Variants in USP22 observed in about 807,000 individuals in gnomAD.
USP22 encodes ubiquitin carboxyl-terminal hydrolase 22.
USP22 carries 22 observed loss-of-function variants against 68.1 expected under a neutral mutation model. That is an observed-to-expected ratio of 0.32 (90% CI 0.23 to 0.46). USP22 has a LOEUF of 0.46. Ranked by LOEUF, USP22 falls within the 20% of genes least tolerant of loss-of-function variation. USP22 has a pLI of 1.00. For synonymous variants in USP22, 279 were observed against 274.2 expected (o/e 1.02, Z -0.17); for missense variants, 433 against 695.8 (o/e 0.62, Z 4.25).
chr17:21,006,934 G>A lies in USP22; in HGVS notation c.1284C>T (p.Phe428=). The change falls in exon 10 of 13, where the codon TTC becomes TTT. Residue 428 remains phenylalanine, a synonymous_variant. Transcript: ENST00000261497. ...LRRKITTYVS[F]PLELDMTPFM... ...AAGGGGTCATGTCCAGCTCCAGGGG[G>A]AAGGACACATACGTGGTGATCTTCC... The A allele has an allele frequency of 6.2e-7, 1 of 1,609,990 alleles. No homozygotes were observed. Among genetic ancestry groups the A allele is most frequent in the Non-Finnish European group, 8.5e-7 (1 of 1,177,946 alleles).
intron 7 of USP22, among the ~76,000 whole-genome samples, chr17:21,012,561 G>A (rs1179087502): frequency 6.6e-6 from 1 of 152,054 alleles, no homozygotes; most frequent in Non-Finnish European, 1.5e-5. Context: ...CAAAATGGTA[G>A]GGGAAGCTTC....
At chr17:21,032,101 T>C (rs1001885541) in intron 1 of USP22, among the ~76,000 whole-genome samples, 23 of 152,194 alleles carry the variant, frequency 1.5e-4, no homozygotes, top group African/African-American at 5.6e-4. Context: ...TGTTTAGCTA[T>C]AGAAACACAA....
rs754331771 is a variant in USP22, at chr17:21,006,876, G to T, written c.1322+20C>A. On this transcript the variant is annotated intron_variant, in intron 10 of 12. Coordinates refer to ENST00000261497, the MANE Select transcript of USP22 (RefSeq NM_015276.2). The stretch of plus-strand genomic sequence containing the variant: ...ATCACAGCCCCTCAGGACACAGAAC[G>T]GGCCTACAACCCCACATACCTGGAG... The T allele has an allele frequency of 1.3e-6, 2 of 1,575,114 alleles. No individual in the cohort carries two copies. The highest frequency in any genetic ancestry group is 1.7e-6 in the Non-Finnish European group (2 of 1,158,428).
At chr17:21,042,587 A>C (rs1597705043) in intron 1 of USP22, 78 bp downstream of exon 1, 1 of 1,245,006 alleles carries the variant, frequency 8.0e-7, no homozygotes, top group Non-Finnish European at 1.0e-6. Flanking sequence ...AGAGGGCAGG[A>C]AAAGGGCCCC....
chr17:21,027,496 C>G (rs1333714177), intron 2 of USP22, among the ~76,000 whole-genome samples: 1 of 151,812 alleles, frequency 6.6e-6, no homozygotes, highest in Non-Finnish European at 1.5e-5. Context: ...AACTTCAGGG[C>G]GGGAAAGCCT....
intron 2 of USP22, among the ~76,000 whole-genome samples, chr17:21,025,718 T>C (rs1349226556): frequency 6.6e-6 from 1 of 152,158 alleles, no homozygotes; most frequent in African/African-American, 2.4e-5. Context: ...CACAAATGCA[T>C]GCTTGCGGAA....
At chr17:21,024,642 A>G (rs981451014) in intron 2 of USP22, among the ~76,000 whole-genome samples, 1 of 152,224 alleles carries the variant, frequency 6.6e-6, no homozygotes, top group African/African-American at 2.4e-5. Flanking sequence ...GGATTCTTAG[A>G]TCTGACACAA....
chr17:21,036,531 G>GGGT (rs1555530967), intron 1 of USP22, among the ~76,000 whole-genome samples: 9 of 130,930 alleles, frequency 6.9e-5, no homozygotes, highest in African/African-American at 2.5e-4. Flanking sequence ...GGGGGGGGGG[G>GGGT]GTCAAGTCAT....
rs756775485 is a variant in USP22 at position 21,007,007 on chromosome 17, A to G, written c.1231-20T>C. 3.7e-5 allele frequency: 58 copies of G among 1,576,278 alleles called. 1 individual carries two copies. In the South Asian group the frequency reaches 6.3e-4, roughly 17 times the overall value. On this transcript the variant is annotated intron_variant, in intron 9 of 12. Transcript: ENST00000261497. ...AAATCGCTGCAGAAATAGGAAGGGG[A>G]CAGAGGGAAGAGGAAAGAAGATCAG...
At chr17:21,022,981 G>A (rs7216978) in intron 2 of USP22, among the ~76,000 whole-genome samples, 112,202 of 152,124 alleles carry the variant, frequency 0.74, 41,930 homozygotes, top group South Asian at 0.82. Flanking sequence ...ATATACCATG[G>A]GATACCATGT....
chr17:21,039,269 G>A (rs1972396926), intron 1 of USP22, among the ~76,000 whole-genome samples: 1 of 150,954 alleles, frequency 6.6e-6, no homozygotes, highest in African/African-American at 2.4e-5. Flanking sequence ...TTTATAGTCT[G>A]CAATACAAGA....
rs951499755 is a variant in USP22 at position 21,042,355 on chromosome 17, G to A, written c.171+310C>T. ...GGATAAGGGAGGGGGAGGGCGGAGA[G>A]AAAGGAGGGGGAGGGGACAGAGAGG... On this transcript the variant is annotated intron_variant, in intron 1 of 12. Coordinates refer to ENST00000261497, the MANE Select transcript of USP22 (RefSeq NM_015276.2). 1.7e-3 allele frequency: 325 copies of A among 188,552 alleles called. 3 individuals are homozygous for A. Among genetic ancestry groups the A allele is most frequent in the African/African-American group, 7.6e-3 (316 of 41,734 alleles). 11.7% of individuals were successfully genotyped at this position (188,552 alleles called of 1,614,324 possible). A position where few individuals can be genotyped will look rare whatever the true frequency, so the allele number is the denominator to read the frequency against.
chr17:20,999,697 T>TA lies in USP22; in HGVS notation c.*3333dup, dbSNP rs1032796383. On this transcript the variant is annotated 3_prime_UTR_variant, in exon 13 of 13. Coordinates refer to ENST00000261497, the MANE Select transcript of USP22 (RefSeq NM_015276.2). ...TCAAAATGGAAGGGGAAAGGAAGAG[T>TA]AAACATCTTGGTAAATAAAGTCTCC... The TA allele has an allele frequency of 2.6e-4, 40 of 151,216 alleles. No homozygotes were observed. The highest frequency in any genetic ancestry group is 9.3e-4 in the African/African-American group (38 of 41,032). The allele number at this position is 151,216 out of a possible 1,614,324, so 9.4% of individuals were successfully genotyped here.
Position 21,019,174 on chromosome 17 carries a change from T to G in USP22, c.430A>C (p.Lys144Gln). Residue 144 changes from lysine (K) to glutamine (Q), a missense_variant, in exon 4 of 13, where the codon AAG (lysine) becomes CAG (glutamine). This residue lies in a region of USP22 where 144 missense variants were observed against 237.2 expected (regional missense o/e 0.61). Transcript: ENST00000261497. ...TTGGTTGGTTCCCAAGTTGAAAACT[T>G]CTCTCCAACGCCTAAGCAGATGAAG... Reference protein sequence around the residue: ...KAWKMQGVGEKFSTWEPTKRE... With the variant: ...KAWKMQGVGEQFSTWEPTKRE... The G allele has an allele frequency of 6.2e-7, 1 of 1,614,096 alleles. No individual in the cohort carries two copies. The highest frequency in any genetic ancestry group is 8.5e-7 in the Non-Finnish European group (1 of 1,179,962).
At chr17:21,014,647 G>C (rs1914075340) in intron 6 of USP22, among the ~76,000 whole-genome samples, 1 of 152,178 alleles carries the variant, frequency 6.6e-6, no homozygotes, top group Non-Finnish European at 1.5e-5. Context: ...TAAGCGCCTA[G>C]GGCCCGGGTG....
chr17:21,019,668 CAG>C (rs1555529863), intron 3 of USP22, among the ~76,000 whole-genome samples: 4 of 151,974 alleles, frequency 2.6e-5, no homozygotes, highest in Admixed American at 6.5e-5. Context: ...ACAAAATATT[CAG>C]AGAGTGGTGG....
At chr17:21,011,084 G>A (rs1359037696) in intron 8 of USP22, 67 bp downstream of exon 8, 8 of 1,515,860 alleles carry the variant, frequency 5.3e-6, no homozygotes, top group Non-Finnish European at 7.1e-6. Context: ...GCCCTGCTTT[G>A]GTCCTGATGG....
chr17:21,022,461 C>T lies in USP22; in HGVS notation c.305-1235G>A, dbSNP rs144150665. 3.4e-4 allele frequency among the ~76,000 whole-genome samples: 52 copies of T among 152,316 alleles called. 2 individuals carry two copies. Among genetic ancestry groups the T allele is most frequent in the African/African-American group, 1.2e-3 (50 of 41,572 alleles). ...ATAAAAGTAAGTAAGATAAAGTCCT[C>T]TGAGTGCCTGAAAAAAGGTACTCTC... On this transcript the variant is annotated intron_variant, in intron 2 of 12. Transcript: ENST00000261497.
upstream of USP22, chr17:21,043,419 T>G (rs1972478170): frequency 7.5e-6 from 3 of 401,176 alleles, no homozygotes; most frequent in East Asian, 1.2e-4. Context: ...TCCAGAGGAC[T>G]GGGGAGGCGG....
Sources: gnomAD v4.1 joint callset for allele counts (sites outside exome capture counted in the v4.1 genomes callset) on GRCh38, gnomAD v4.1.1 for gene constraint, gnomAD v4.1.1 regional missense constraint, MANE v1.5 for transcripts, NCBI Gene and HGNC (gene_info 2026-07-23, HGNC 2026-07-21) for gene names.